Variants in TAS2R1 observed in about 807,000 individuals in gnomAD.
TAS2R1 encodes the protein taste 2 receptor member 1, also known as taste receptor type 2 member 1.
For missense variants in TAS2R1, 370 were observed against 353.4 expected (o/e 1.05, Z -0.38); for synonymous variants, 141 against 134.2 (o/e 1.05, Z -0.35).
At chr5:9,737,225 G>C in the TAS2R1 span, among the ~76,000 whole-genome samples, 1 of 152,264 alleles carries the variant, frequency 6.6e-6, no homozygotes, top group East Asian at 1.9e-4. Flanking sequence ...CCTCCTACTA[G>C]AAGAACCCAG....
At chr5:9,796,132 A>C in the TAS2R1 span, among the ~76,000 whole-genome samples, 1 of 152,244 alleles carries the variant, frequency 6.6e-6, no homozygotes, top group South Asian at 2.1e-4. Context: ...GCATGTCAGG[A>C]CACTGATCAA....
chr5:9,878,643 G>T, the TAS2R1 span, among the ~76,000 whole-genome samples: 3 of 152,202 alleles, frequency 2.0e-5, no homozygotes, highest in Non-Finnish European at 4.4e-5. Context: ...AACAATTACA[G>T]TGAGCTCCAA....
chr5:9,740,515 C>A, the TAS2R1 span, among the ~76,000 whole-genome samples: 1 of 152,168 alleles, frequency 6.6e-6, no homozygotes, highest in East Asian at 1.9e-4. Context: ...AACGAGTTAA[C>A]AAAAAGACAA....
chr5:9,903,538 T>C, the TAS2R1 span: 4 of 152,048 alleles, frequency 2.6e-5, no homozygotes, highest in Non-Finnish European at 5.9e-5. Context: ...TGTGTTCTCA[T>C]AGCTTAGCTC....
chr5:9,836,201 C>T, the TAS2R1 span, among the ~76,000 whole-genome samples: 1 of 151,924 alleles, frequency 6.6e-6, no homozygotes, highest in South Asian at 2.1e-4. Context: ...GCCTCCCCAG[C>T]CATGTGGAAC....
chr5:9,672,560 T>C (rs1243809028), intron 1 of TAS2R1, among the ~76,000 whole-genome samples: 3 of 151,954 alleles, frequency 2.0e-5, no homozygotes, highest in Non-Finnish European at 4.4e-5. Context: ...ATTAGACAAA[T>C]GCAAATCAAT....
chr5:9,662,906 A>G (rs1262681253), intron 1 of TAS2R1, among the ~76,000 whole-genome samples: 1 of 152,056 alleles, frequency 6.6e-6, no homozygotes, highest in East Asian at 1.9e-4. Flanking sequence ...GAGGGATTCT[A>G]TCTACAAACT....
At chr5:9,813,392 T>C in the TAS2R1 span, among the ~76,000 whole-genome samples, 3 of 152,192 alleles carry the variant, frequency 2.0e-5, no homozygotes, top group Non-Finnish European at 4.4e-5. Context: ...AGAAACCACT[T>C]CGAGGTCATA....
intron 1 of TAS2R1, among the ~76,000 whole-genome samples, chr5:9,711,308 C>CCATA (rs762983951): frequency 6.6e-6 from 1 of 152,104 alleles, no homozygotes; most frequent in Non-Finnish European, 1.5e-5. Context: ...TACAGTATAT[C>CCATA]CATACAATGG....
chr5:9,895,310 A>G, the TAS2R1 span, among the ~76,000 whole-genome samples: 1 of 152,240 alleles, frequency 6.6e-6, no homozygotes, highest in East Asian at 1.9e-4. Flanking sequence ...GGCTTTGATC[A>G]ATAAGCTATT....
the TAS2R1 span, among the ~76,000 whole-genome samples, chr5:9,783,529 T>A: frequency 6.6e-6 from 1 of 152,220 alleles, no homozygotes; most frequent in Non-Finnish European, 1.5e-5. Flanking sequence ...CGTCCTTCCT[T>A]GAGTGTAAGC....
the TAS2R1 span, among the ~76,000 whole-genome samples, chr5:9,774,956 C>T: frequency 6.6e-6 from 1 of 152,142 alleles, no homozygotes; most frequent in African/African-American, 2.4e-5. Context: ...CACTCAAGGC[C>T]CTAGGGCTCT....
the TAS2R1 span, among the ~76,000 whole-genome samples, chr5:9,853,458 G>A: frequency 1.3e-5 from 2 of 152,182 alleles, no homozygotes; most frequent in African/African-American, 4.8e-5. Flanking sequence ...ATGGAAAGGG[G>A]CAGTAACTTC....
the TAS2R1 span, among the ~76,000 whole-genome samples, chr5:9,812,863 C>T: frequency 6.6e-6 from 1 of 152,182 alleles, no homozygotes; most frequent in South Asian, 2.1e-4. Context: ...AGTTGGTCAT[C>T]TGACTGCCCA....
intron 1 of TAS2R1, among the ~76,000 whole-genome samples, chr5:9,678,246 A>T (rs1177749582): frequency 6.6e-6 from 1 of 152,196 alleles, no homozygotes; most frequent in Admixed American, 6.5e-5. Flanking sequence ...ATCTCATGCC[A>T]ATCAGAATGG....
chr5:9,648,161 A>AGAAT (rs1243791929), intron 2 of TAS2R1, among the ~76,000 whole-genome samples: 2 of 152,126 alleles, frequency 1.3e-5, no homozygotes, highest in African/African-American at 4.8e-5. Context: ...GATTGGGGAG[A>AGAAT]GAATACTTCA....
chr5:9,885,770 C>A, the TAS2R1 span, among the ~76,000 whole-genome samples: 1 of 151,908 alleles, frequency 6.6e-6, no homozygotes, highest in Non-Finnish European at 1.5e-5. Flanking sequence ...TACATGGCAG[C>A]AAATTAACTT....
chr5:9,717,244 T>C (rs1463541528), upstream of TAS2R1, among the ~76,000 whole-genome samples: 1 of 152,056 alleles, frequency 6.6e-6, no homozygotes, highest in Non-Finnish European at 1.5e-5. Flanking sequence ...CCTCAGAACA[T>C]ACTACTTGTG....
chr5:9,635,988 G>A (rs1327052243), intron 2 of TAS2R1, among the ~76,000 whole-genome samples: 1 of 151,694 alleles, frequency 6.6e-6, no homozygotes, highest in Non-Finnish European at 1.5e-5. Flanking sequence ...TTTGGGGTTT[G>A]TTTGTTCTTG....
Sources: allele counts gnomAD v4.1 joint callset (sites outside exome capture counted in the v4.1 genomes callset), GRCh38; gene constraint gnomAD v4.1.1; transcripts MANE v1.5; gene names NCBI Gene and HGNC (gene_info 2026-07-23, HGNC 2026-07-21).